Variants in ABCG5 observed in about 807,000 individuals in gnomAD.
ABCG5 encodes the protein ATP-binding cassette sub-family G member 5.
ABCG5 carries 64 observed loss-of-function variants against 64.5 expected under a neutral mutation model. The ratio of observed to expected loss-of-function variants is 0.99; its 90% CI spans 0.81 to 1.22. ABCG5 has a LOEUF of 1.22. Ranked by LOEUF, ABCG5 falls within the 50% of genes most tolerant of loss-of-function variation. The pLI is 0.00. For missense variants in ABCG5, 908 were observed against 829.5 expected (o/e 1.09, Z -1.16); for synonymous variants, 385 against 326.3 (o/e 1.18, Z -1.94).
At chr2:43,814,788 T>C (rs1666711043) in intron 11 of ABCG5, among the ~76,000 whole-genome samples, 199 bp from the exon 12 acceptor site, 1 of 152,214 alleles carries the variant, frequency 6.6e-6, no homozygotes, top group Non-Finnish European at 1.5e-5. Flanking sequence ...AAATAACTAT[T>C]GTTAACATTT....
At position 43,824,871 on chromosome 2, in the gene ABCG5, T is replaced by A; in HGVS notation, c.904+18A>T. The A allele has an allele frequency of 6.2e-7, 1 of 1,613,438 alleles. No homozygotes were observed. The highest frequency in any genetic ancestry group is 8.5e-7 in the Non-Finnish European group (1 of 1,179,568). On this transcript the variant is annotated intron_variant, in intron 7 of 12. Transcript: ENST00000405322. ...TTTAAAAAACATTCATGATGGGGAA[T>A]GTGAAAGAAAAACTTACTATAGAAG...
intron 11 of ABCG5, among the ~76,000 whole-genome samples, chr2:43,815,779 G>C (rs1406003471): frequency 1.3e-5 from 2 of 152,138 alleles, no homozygotes; most frequent in Non-Finnish European, 2.9e-5. Context: ...AGCCATTTCA[G>C]GGCCTTGCTG....
chr2:43,811,672 G>A (rs550288252), downstream of ABCG5, among the ~76,000 whole-genome samples: 16 of 151,426 alleles, frequency 1.1e-4, no homozygotes, highest in African/African-American at 3.6e-4. Context: ...TCGGCTCACT[G>A]CAACCTCCAC....
chr2:43,824,679 C>T (rs754470823), intron 7 of ABCG5: 15 of 974,740 alleles, frequency 1.5e-5, no homozygotes, highest in Admixed American at 6.2e-5. Flanking sequence ...AGTAGCAGTG[C>T]GCCAGTTTGT....
chr2:43,815,707 A>G (rs76917577), intron 11 of ABCG5, among the ~76,000 whole-genome samples: 7,295 of 152,228 alleles, frequency 0.048, 219 homozygotes, highest in Non-Finnish European at 0.075. Context: ...CTGGACCAGA[A>G]ACACTGGAAG....
chr2:43,817,434 G>A (rs1450851711), intron 11 of ABCG5, among the ~76,000 whole-genome samples: 4 of 152,068 alleles, frequency 2.6e-5, no homozygotes, highest in African/African-American at 9.7e-5. Context: ...GCAGTGAGCC[G>A]AGATCGTGCC....
At chr2:43,828,470 TACAA>T in intron 4 of ABCG5, 4 of 72,714 alleles carry the variant, frequency 5.5e-5, no homozygotes, top group South Asian at 8.3e-5. Context: ...ACCCTGTCTC[TACAA>T]AAAAAAAAAA....
chr2:43,815,521 G>T (rs1666759978), intron 11 of ABCG5, among the ~76,000 whole-genome samples: 1 of 152,174 alleles, frequency 6.6e-6, no homozygotes, highest in African/African-American at 2.4e-5. Context: ...CTATTTGCAA[G>T]GTGTCCTCAA....
chr2:43,832,365 CTTGT>C (rs1668003853), intron 2 of ABCG5: 3 of 565,784 alleles, frequency 5.3e-6, no homozygotes, highest in East Asian at 5.9e-5. Flanking sequence ...GCTTTCTCTG[CTTGT>C]TTATTTGTCT....
rs747481748 is a variant in ABCG5 at position 43,823,979 on chromosome 2, C to T, written c.1258G>A (p.Val420Ile). Residue 420 changes from valine (V) to isoleucine (I), a missense_variant, in exon 9 of 13, where the codon GTA (valine) becomes ATA (isoleucine). Coordinates refer to ENST00000405322, the MANE Select transcript of ABCG5 (RefSeq NM_022436.3). ...NVLKGAIQDR[V>I]GLLYQFVGAT... ...CCCACAAACTGGTAAAGGAGACCTACGCGGTCCTGGATAGCACCCTTTAGC... is the reference window on the plus strand; with the variant it reads ...CCCACAAACTGGTAAAGGAGACCTATGCGGTCCTGGATAGCACCCTTTAGC... 28 of 1,614,088 alleles carry T rather than the reference C, an allele frequency of 1.7e-5. No individual in the cohort carries two copies. The highest frequency in any genetic ancestry group is 3.3e-4 in the Middle Eastern group (2 of 6,084).
At chr2:43,833,970 G>A (rs369615269) in intron 2 of ABCG5, among the ~76,000 whole-genome samples, 7 of 152,152 alleles carry the variant, frequency 4.6e-5, no homozygotes, top group East Asian at 1.9e-4. Flanking sequence ...AGGTGTGAGC[G>A]ACCGCACCTG....
At position 43,823,049 on chromosome 2, in the gene ABCG5, G is replaced by A. The variant is rs915848038; in HGVS notation, c.1325-114C>T. ...GGGCTGGATGGTGAGGACCAGCTAG[G>A]GGGGTTCCCTAGTCATAGAAGGAGG... On this transcript the variant is annotated intron_variant, in intron 9 of 12. Transcript: ENST00000405322. 7 of 1,453,634 alleles carry A rather than the reference G, an allele frequency of 4.8e-6. No individual in the cohort carries two copies. The Admixed American group carries it at 1.2e-4, about 24-fold the overall frequency. The allele number at this position is 1,453,634 out of a possible 1,614,324, so 90.0% of individuals were successfully genotyped here.
At chr2:43,827,848 G>T in intron 5 of ABCG5, 135 bp downstream of exon 5, 2 of 1,421,794 alleles carry the variant, frequency 1.4e-6, no homozygotes, top group African/African-American at 1.4e-5. Context: ...TGGGTCCTCA[G>T]TTTGAAAAAC....
chr2:43,810,322 A>G, downstream of ABCG5: 1 of 979,308 alleles, frequency 1.0e-6, no homozygotes, highest in Non-Finnish European at 1.2e-6. Context: ...AATCAGCACC[A>G]ATTTCACCCT....
At chr2:43,815,388 G>T (rs1008911184) in intron 11 of ABCG5, among the ~76,000 whole-genome samples, 10 of 152,176 alleles carry the variant, frequency 6.6e-5, no homozygotes, top group Non-Finnish European at 1.3e-4. Flanking sequence ...TGTAGTTGGA[G>T]ATATAGAATA....
rs1667437093 is a variant in ABCG5, at chr2:43,824,129, A to G, written c.1119-11T>C. 1.2e-6 allele frequency: 2 copies of G among 1,614,184 alleles called. No individual in the cohort carries two copies. The highest frequency in any genetic ancestry group is 1.7e-6 in the Non-Finnish European group (2 of 1,180,020). ...TTTCTTGTCACTCTCCTGAAAACAA[A>G]CAACCCTGTTTTAATTCCTTTTCAG... On this transcript the variant is annotated splice_polypyrimidine_tract_variant and intron_variant, in intron 8 of 12. Coordinates refer to ENST00000405322, the MANE Select transcript of ABCG5 (RefSeq NM_022436.3).
At position 43,824,268 on chromosome 2, in the gene ABCG5, T is replaced by G; in HGVS notation, c.1069A>C (p.Lys357Gln). The change falls in exon 8 of 13, where the codon AAA (lysine) becomes CAA (glutamine). Residue 357 changes from lysine to glutamine, a missense_variant. By Grantham distance (53) the Lys-to-Gln change is moderately conservative. Transcript: ENST00000405322. ...HLKTLPMVPF[K>Q]TKDSPGVFSK... ...AAAACTCCAGGAGAATCTTTGGTTT[T>G]GAAAGGAACCATTGGTAACGTTTTC... 6.2e-7 allele frequency: 1 copy of G among 1,614,250 alleles called. No individual in the cohort carries two copies. The highest frequency in any genetic ancestry group is 8.5e-7 in the Non-Finnish European group (1 of 1,180,046).
rs1164940182 is a variant in ABCG5 at position 43,831,771 on chromosome 2, T to C, written c.499A>G (p.Lys167Glu). 5 of 1,578,246 alleles carry C rather than the reference T, an allele frequency of 3.2e-6. No homozygotes were observed. The highest frequency in any genetic ancestry group is 1.3e-5 in the African/African-American group (1 of 74,688). ...TGTGAGCGGGGGGCTGCACCCACCT[T>C]CTTCTGGAAGGAGCCGGGATTGCCG... ...RRGNPGSFQK[K>E]VEAVMAELSL... Residue 167 changes from lysine (K) to glutamate (E), a missense_variant and splice_region_variant, in exon 4 of 13, where the codon AAG becomes GAG. Lys to Glu is a moderately conservative substitution (Grantham distance 56). Transcript: ENST00000405322.
chr2:43,818,958 T>A (rs1033172551), intron 11 of ABCG5, among the ~76,000 whole-genome samples: 14 of 152,168 alleles, frequency 9.2e-5, no homozygotes, highest in Admixed American at 7.2e-4. Flanking sequence ...TAGGTCAGCC[T>A]CTCTCCACGA....
Sources: gnomAD v4.1 joint callset for allele counts (sites outside exome capture counted in the v4.1 genomes callset) on GRCh38, gnomAD v4.1.1 for gene constraint, MANE v1.5 for transcripts, NCBI Gene and HGNC (gene_info 2026-07-23, HGNC 2026-07-21) for gene names.